The following LRRC9 variants were observed in gnomAD, a reference collection of about 807,000 sequenced individuals.
LRRC9 encodes leucine rich repeat containing 9.
LRRC9 carries 122 observed loss-of-function variants against 63.2 expected under a neutral mutation model. The observed-to-expected ratio is 1.93, with a 90% confidence interval of 1.67 to 2.24. LRRC9 has a LOEUF of 2.24. LRRC9 is among the 30% of genes most tolerant of loss of function. LRRC9 has a pLI of 0.00. For synonymous variants in LRRC9, 366 were observed against 213.1 expected, an observed-to-expected ratio of 1.72 and a Z score of -6.25; for missense variants, 1,071 against 627.7, an observed-to-expected ratio of 1.71 and a Z score of -7.55.
intron 29 of LRRC9, among the ~76,000 whole-genome samples, chr14:60,050,570 A>T (rs1401557687): frequency 6.6e-6 from 1 of 152,060 alleles, no homozygotes; most frequent in South Asian, 2.1e-4. Context: ...ACTTCTATCA[A>T]TTCAGCCATC....
intron 13 of LRRC9, among the ~76,000 whole-genome samples, chr14:59,976,125 T>C (rs1886257378): frequency 6.6e-6 from 1 of 152,192 alleles, no homozygotes; most frequent in Non-Finnish European, 1.5e-5. Flanking sequence ...GTCACTTGTC[T>C]CCCAACACCC....
chr14:59,968,584 T>C (rs1273800261), intron 12 of LRRC9, among the ~76,000 whole-genome samples: 1 of 152,202 alleles, frequency 6.6e-6, no homozygotes, highest in Non-Finnish European at 1.5e-5. Context: ...AGGTTGGTAC[T>C]GTCACTGCAG....
chr14:60,032,567 A>G lies in LRRC9; in HGVS notation c.3990+504A>G, dbSNP rs368699189. ...AAATTAGTTTGGGGAGACATTTGCA[A>G]CCTTTCCTGTTGGAATCTTTGAGGG... On this transcript the variant is annotated intron_variant, in intron 29 of 31. Transcript: ENST00000445360. Among the ~76,000 whole-genome samples the G allele has an allele frequency of 7.9e-5, 12 of 152,262 alleles. No homozygotes were observed. In the East Asian group the frequency reaches 2.3e-3, roughly 29 times the overall value.
intron 15 of LRRC9, among the ~76,000 whole-genome samples, chr14:59,978,904 T>G (rs541414673): frequency 1.3e-5 from 2 of 152,314 alleles, no homozygotes; most frequent in South Asian, 4.1e-4. Context: ...TGTGTGACAG[T>G]GCATGTCTCA....
chr14:59,954,618 G>T (rs1883533358), intron 8 of LRRC9, among the ~76,000 whole-genome samples: 2 of 152,162 alleles, frequency 1.3e-5, no homozygotes, highest in Admixed American at 6.5e-5. Flanking sequence ...GAGACAATTT[G>T]ACTTCCTGTC....
rs556291030 is a variant in LRRC9 at position 59,984,405 on chromosome 14, T to C, written c.2092-700T>C. On this transcript the variant is annotated intron_variant, in intron 16 of 31. Transcript: ENST00000445360. ...TCAGTTGCATTAATACATTGTCTTGTGCCCTTGTTTATTTTGCAAGCTATA... is the reference window on the plus strand; with the variant it reads ...TCAGTTGCATTAATACATTGTCTTGCGCCCTTGTTTATTTTGCAAGCTATA... 2.6e-5 allele frequency among the ~76,000 whole-genome samples: 4 copies of C among 152,338 alleles called. No individual in the cohort carries two copies. The East Asian group carries it at 7.7e-4, about 29-fold the overall frequency.
At chr14:59,983,877 T>C (rs1887192512) in intron 16 of LRRC9, among the ~76,000 whole-genome samples, 1 of 152,196 alleles carries the variant, frequency 6.6e-6, no homozygotes, top group South Asian at 2.1e-4. Flanking sequence ...AGACTGGTGG[T>C]ATGGAAATTC....
At chr14:59,961,375 A>G (rs771781067) in intron 10 of LRRC9, among the ~76,000 whole-genome samples, 10 of 152,212 alleles carry the variant, frequency 6.6e-5, no homozygotes, top group Non-Finnish European at 1.3e-4. Flanking sequence ...TTTTTAAAAT[A>G]TGTTTATACT....
At chr14:59,992,709 T>C (rs888423861) in intron 17 of LRRC9, among the ~76,000 whole-genome samples, 8 of 152,074 alleles carry the variant, frequency 5.3e-5, no homozygotes, top group Non-Finnish European at 1.0e-4. Context: ...AGGGTACCAG[T>C]GATGGAAAAT....
intron 19 of LRRC9, among the ~76,000 whole-genome samples, chr14:59,999,799 G>A (rs944617486): frequency 6.6e-6 from 1 of 151,906 alleles, no homozygotes; most frequent in Non-Finnish European, 1.5e-5. Context: ...ATAATGTTTA[G>A]TTTTGGATCT....
At chr14:60,025,781 C>A (rs933534198) in intron 27 of LRRC9, among the ~76,000 whole-genome samples, 3 of 151,932 alleles carry the variant, frequency 2.0e-5, no homozygotes, top group Admixed American at 2.0e-4. Flanking sequence ...ATCTATCTAC[C>A]TCCAAAGCAC....
intron 1 of LRRC9, among the ~76,000 whole-genome samples, chr14:59,921,746 A>G (rs1469620971): frequency 6.7e-6 from 1 of 149,178 alleles, no homozygotes; most frequent in Non-Finnish European, 1.5e-5. Flanking sequence ...TTTGCACAGA[A>G]AAGAAGATAA....
exon 8 of LRRC9, chr14:59,944,710 A>T (rs1394467376): frequency 3.0e-6 from 2 of 677,150 alleles, no homozygotes; most frequent in Middle Eastern, 2.4e-4. Flanking sequence ...TTGCCAGAAG[A>T]ACGAGTAAAA....
intron 29 of LRRC9, among the ~76,000 whole-genome samples, chr14:60,043,601 G>A (rs1893139405): frequency 6.6e-6 from 1 of 152,032 alleles, no homozygotes; most frequent in Admixed American, 6.6e-5. Context: ...TTATTGATCT[G>A]CATATGTTGA....
In LRRC9 at chr14:60,053,010, A is replaced by C; in HGVS notation, c.3991-55A>C. On this transcript the variant is annotated intron_variant, in intron 29 of 31. Coordinates refer to ENST00000445360, the Ensembl canonical transcript of LRRC9. This position sits in a 1 kb window ranked among gnomAD's most constrained non-coding sequence, Gnocchi z 4.8. ...CTAAATTTCCTTCTCTATACAGGTT[A>C]ATCTTTGAAATAAAAGTTTTGTAGG... is the stretch of plus-strand genomic sequence containing the variant. 1 of 671,402 alleles carries C rather than the reference A, an allele frequency of 1.5e-6. No individual in the cohort carries two copies. The allele number at this position is 671,402 out of a possible 1,614,324, so 41.6% of individuals were successfully genotyped here. A position where few individuals can be genotyped will look rare whatever the true frequency, so the allele number is the denominator to read the frequency against.
At chr14:60,047,888 C>T (rs1256674276) in intron 29 of LRRC9, among the ~76,000 whole-genome samples, 1 of 152,070 alleles carries the variant, frequency 6.6e-6, no homozygotes, top group Non-Finnish European at 1.5e-5. Context: ...ATCACATAAT[C>T]GGAAGTCAAA....
At chr14:60,016,938 G>A (rs1328230731) in intron 24 of LRRC9, 148 bp downstream of exon 24, 20 of 458,526 alleles carry the variant, frequency 4.4e-5, no homozygotes, top group Non-Finnish European at 7.4e-5. Flanking sequence ...TTCATGCTAA[G>A]TAATGAGCAT....
At chr14:59,945,147 A>G (rs1266321790) in intron 8 of LRRC9, among the ~76,000 whole-genome samples, 1 of 142,300 alleles carries the variant, frequency 7.0e-6, no homozygotes, top group Non-Finnish European at 1.6e-5. Flanking sequence ...TTAAAGTGCT[A>G]AAAAAAAAAA....
In LRRC9 at chr14:59,932,023, A is replaced by G; in HGVS notation, c.527A>G (p.Gln176Arg). The G allele has an allele frequency of 1.4e-6, 1 of 700,170 alleles. No homozygotes were observed. Among genetic ancestry groups the G allele is most frequent in the Non-Finnish European group, 2.6e-6 (1 of 383,464 alleles). 43.4% of individuals were successfully genotyped at this position (700,170 alleles called of 1,614,324 possible). ...GAAAGATTAAACCTTTCTGGTAACC[A>G]AATATGTTCTTTCAAGGTATGTTTA... The change falls in exon 6 of 32, where the codon CAA becomes CGA. Residue 176 changes from glutamine (Q) to arginine (R), a missense_variant. Physicochemically the swap from Gln to Arg is conservative, Grantham distance 43. Transcript: ENST00000445360. This position sits in a 1 kb window ranked among gnomAD's most constrained non-coding sequence, Gnocchi z 4.7.
Sources: gnomAD v4.1 joint callset for allele counts (sites outside exome capture counted in the v4.1 genomes callset) on GRCh38, gnomAD v4.1.1 for gene constraint, Gnocchi (gnomAD v3.1) non-coding constraint, MANE v1.5 for transcripts, NCBI Gene and HGNC (gene_info 2026-07-23, HGNC 2026-07-21) for gene names.